Variants in MAPK8 observed in about 807,000 individuals in gnomAD.
MAPK8 encodes JUN N-terminal kinase.
MAPK8 carries 13 observed loss-of-function variants against 52.9 expected under a neutral mutation model. That is an observed-to-expected ratio of 0.25 (90% CI 0.16 to 0.39). The LOEUF is 0.39. Ranked by LOEUF, MAPK8 falls within the 10% of genes least tolerant of loss-of-function variation. The pLI, the probability that MAPK8 is intolerant of heterozygous loss-of-function variation, is 1.00. For synonymous variants in MAPK8, 191 were observed against 169.8 expected, an observed-to-expected ratio of 1.12 and a Z score of -0.97; for missense variants, 300 against 519.2, an observed-to-expected ratio of 0.58 and a Z score of 4.10.
chr10:48,395,176 TA>T (rs1227633793), intron 1 of MAPK8, among the ~76,000 whole-genome samples: 10 of 152,094 alleles, frequency 6.6e-5, no homozygotes, highest in African/African-American at 2.4e-4. Flanking sequence ...GATATTTATA[TA>T]AAAATACAAA....
At chr10:48,428,843 CAG>C (rs2043908529) in intron 10 of MAPK8, among the ~76,000 whole-genome samples, 1 of 151,928 alleles carries the variant, frequency 6.6e-6, no homozygotes, top group East Asian at 1.9e-4. Context: ...TTTTTTGAGA[CAG>C]GGTCTCACTG....
chr10:48,406,039 A>G (rs2042451115), intron 3 of MAPK8, among the ~76,000 whole-genome samples: 1 of 152,226 alleles, frequency 6.6e-6, no homozygotes, highest in Non-Finnish European at 1.5e-5. Context: ...TGGCCCATAT[A>G]TTGAAATCTA....
intron 1 of MAPK8, among the ~76,000 whole-genome samples, chr10:48,332,892 C>A (rs1417139925): frequency 6.6e-6 from 1 of 152,090 alleles, no homozygotes; most frequent in African/African-American, 2.4e-5. Flanking sequence ...CCTTTTTGGC[C>A]TTCAAGGAGC....
chr10:48,379,809 A>G (rs1306314335), intron 1 of MAPK8, among the ~76,000 whole-genome samples: 1 of 152,110 alleles, frequency 6.6e-6, no homozygotes, highest in Non-Finnish European at 1.5e-5. Context: ...GTCCAATGGT[A>G]TCATCTCCAT....
chr10:48,327,812 G>C (rs189231937), intron 1 of MAPK8, among the ~76,000 whole-genome samples: 26 of 152,262 alleles, frequency 1.7e-4, no homozygotes, highest in African/African-American at 6.0e-4. Flanking sequence ...ATAGTTAACA[G>C]GTTTGTTCAG....
chr10:48,411,787 T>C (rs1326832796), intron 5 of MAPK8, among the ~76,000 whole-genome samples: 5 of 151,854 alleles, frequency 3.3e-5, no homozygotes, highest in African/African-American at 9.7e-5. Context: ...TCTTTTTTCT[T>C]TTCTTTCTTT....
rs2045047989 is a variant in MAPK8 at position 48,438,576 on chromosome 10, A to G, written c.*3547A>G. The G allele has an allele frequency of 6.6e-6, 1 of 152,210 alleles. No homozygotes were observed. Among genetic ancestry groups the G allele is most frequent in the Non-Finnish European group, 1.5e-5 (1 of 68,024 alleles). The allele number at this position is 152,210 out of a possible 1,614,324, so 9.4% of individuals were successfully genotyped here. On this transcript the variant is annotated 3_prime_UTR_variant, in exon 12 of 12. Coordinates refer to ENST00000374189, the MANE Select transcript of MAPK8 (RefSeq NM_001323329.2). ...AATATTACCTGTGGATTAATTTTGC[A>G]CAATGTTCTATTCTCATAATGACTT...
chr10:48,368,710 T>C (rs1264538022), intron 1 of MAPK8, among the ~76,000 whole-genome samples: 1 of 152,190 alleles, frequency 6.6e-6, no homozygotes, highest in Non-Finnish European at 1.5e-5. Context: ...AATGTCTTAG[T>C]TATAAGTCAG....
intron 1 of MAPK8, among the ~76,000 whole-genome samples, chr10:48,356,261 G>A (rs1287262031): frequency 1.3e-5 from 2 of 152,170 alleles, no homozygotes; most frequent in African/African-American, 2.4e-5. Context: ...TTTCTGTAAG[G>A]TACTTGTGAG....
intron 1 of MAPK8, among the ~76,000 whole-genome samples, chr10:48,309,033 G>C (rs1315205353): frequency 6.6e-6 from 1 of 152,160 alleles, no homozygotes; most frequent in Non-Finnish European, 1.5e-5. Flanking sequence ...GAAAATCTTT[G>C]AGATACCAAA....
chr10:48,420,237 C>T lies in MAPK8; in HGVS notation c.533C>T (p.Thr178Met), dbSNP rs1162940624. The T allele has an allele frequency of 3.7e-6, 6 of 1,613,870 alleles. No individual in the cohort carries two copies. The highest frequency in any genetic ancestry group is 2.2e-5 in the South Asian group (2 of 91,066). Residue 178 changes from threonine (T) to methionine (M), a missense_variant, in exon 6 of 12, where the codon ACG becomes ATG. Thr to Met is a moderately conservative substitution (Grantham distance 81, BLOSUM62 -1). Coordinates refer to ENST00000374189, the MANE Select transcript of MAPK8 (RefSeq NM_001323329.2). ...TTCGGTCTGGCCAGGACTGCAGGAA[C>T]GAGTTTTATGATGACGCCTTATGTA... The part of the protein sequence containing the change: ...LDFGLARTAG[T>M]SFMMTPYVVT...
chr10:48,401,100 T>C (rs994216210), intron 1 of MAPK8, among the ~76,000 whole-genome samples: 7 of 152,250 alleles, frequency 4.6e-5, no homozygotes, highest in African/African-American at 1.7e-4. Flanking sequence ...GGCACTGTGG[T>C]ACCCTTTGTT....
intron 1 of MAPK8, among the ~76,000 whole-genome samples, chr10:48,397,923 T>C (rs1330445838): frequency 6.6e-6 from 1 of 152,098 alleles, no homozygotes; most frequent in Non-Finnish European, 1.5e-5. Context: ...GTAGTGGAGG[T>C]TATACTAATA....
chr10:48,370,999 C>G (rs1848484619), intron 1 of MAPK8, among the ~76,000 whole-genome samples: 1 of 151,956 alleles, frequency 6.6e-6, no homozygotes, highest in South Asian at 2.1e-4. Context: ...TGAAGAAACT[C>G]AAAAGAGGTT....
intron 1 of MAPK8, among the ~76,000 whole-genome samples, chr10:48,346,596 C>T (rs979611797): frequency 1.3e-5 from 2 of 152,166 alleles, no homozygotes; most frequent in African/African-American, 4.8e-5. Flanking sequence ...GAAGACTTTG[C>T]TCCTCCACCT....
At chr10:48,358,166 T>C (rs535153104) in intron 1 of MAPK8, among the ~76,000 whole-genome samples, 2 of 152,324 alleles carry the variant, frequency 1.3e-5, no homozygotes, top group Non-Finnish European at 2.9e-5. Context: ...TTCAGTTCTT[T>C]TGGATATATA....
At chr10:48,308,514 TA>T (rs1283017512) in intron 1 of MAPK8, among the ~76,000 whole-genome samples, 1 of 152,206 alleles carries the variant, frequency 6.6e-6, no homozygotes, top group East Asian at 1.9e-4. Context: ...AAATCTTGTC[TA>T]AATATTTTTT....
rs2044766457 is a variant in MAPK8 at position 48,435,317 on chromosome 10, A to G, written c.*288A>G. 7.1e-6 allele frequency: 2 copies of G among 283,098 alleles called. No homozygotes were observed. Among genetic ancestry groups the G allele is most frequent in the East Asian group, 1.3e-4 (2 of 15,782 alleles). 17.5% of individuals were successfully genotyped at this position (283,098 alleles called of 1,614,324 possible). A position where few individuals can be genotyped will look rare whatever the true frequency, so the allele number is the denominator to read the frequency against. On this transcript the variant is annotated 3_prime_UTR_variant, in exon 12 of 12. Transcript: ENST00000374189. Reference sequence around the variant, plus strand: ...TTTAAATTTTTTGCATATTTGCTTTATCTTATGCTGCTGATTTTTTTAACT... The same window carrying G: ...TTTAAATTTTTTGCATATTTGCTTTGTCTTATGCTGCTGATTTTTTTAACT...
chr10:48,415,723 C>T (rs541619484), intron 5 of MAPK8, among the ~76,000 whole-genome samples: 6 of 152,142 alleles, frequency 3.9e-5, no homozygotes, highest in South Asian at 2.1e-4. Flanking sequence ...AAGAGTCTCG[C>T]GTTTTCAAGG....
Sources: gnomAD v4.1 joint callset for allele counts (sites outside exome capture counted in the v4.1 genomes callset) on GRCh38, gnomAD v4.1.1 for gene constraint, MANE v1.5 for transcripts, NCBI Gene and HGNC (gene_info 2026-07-23, HGNC 2026-07-21) for gene names.